Variants in C2CD2 observed in about 807,000 individuals in gnomAD.
C2CD2 encodes C2 calcium dependent domain containing 2.
A neutral mutation model predicts 74.3 loss-of-function variants in C2CD2; 43 were observed. The ratio of observed to expected loss-of-function variants is 0.58; its 90% CI spans 0.45 to 0.75. The LOEUF (loss-of-function observed/expected upper bound fraction) is 0.75. Ranked by LOEUF, C2CD2 falls within the 30% of genes least tolerant of loss-of-function variation. The pLI is 0.00. For missense variants in C2CD2, 801 were observed against 916.3 expected, an observed-to-expected ratio of 0.87 and a Z score of 1.63; for synonymous variants, 422 against 390.7, an observed-to-expected ratio of 1.08 and a Z score of -0.94.
At chr21:41,920,460 A>G (rs1354846078) in intron 3 of C2CD2, among the ~76,000 whole-genome samples, 1 of 152,234 alleles carries the variant, frequency 6.6e-6, no homozygotes, top group African/African-American at 2.4e-5. Context: ...GAAGCAGGGT[A>G]AGAGAAAAAC....
chr21:41,912,275 G>A, intron 7 of C2CD2, 57 bp downstream of exon 7: 1 of 1,014,342 alleles, frequency 9.9e-7, no homozygotes, highest in East Asian at 2.5e-5. Flanking sequence ...TCAGGATTTG[G>A]CGCTCCTGAA....
At chr21:41,953,264 C>T in intron 1 of C2CD2, 106 bp downstream of exon 1, 1 of 701,224 alleles carries the variant, frequency 1.4e-6, no homozygotes, top group Non-Finnish European at 2.2e-6. Context: ...GGGAGGACTC[C>T]CTTAGCCTGG....
intron 11 of C2CD2, among the ~76,000 whole-genome samples, chr21:41,905,310 CTTT>C (rs137969894): frequency 0.11 from 14,082 of 125,060 alleles, 871 homozygotes; most frequent in East Asian, 0.27. Flanking sequence ...CAAATCAAAA[CTTT>C]TTTTTTTTTT....
intron 5 of C2CD2, among the ~76,000 whole-genome samples, chr21:41,915,211 C>T (rs1488320871): frequency 6.6e-6 from 1 of 152,186 alleles, no homozygotes; most frequent in Non-Finnish European, 1.5e-5. Flanking sequence ...GTCCAACGTC[C>T]ACATGAGGAA....
intron 5 of C2CD2, among the ~76,000 whole-genome samples, chr21:41,917,542 C>G (rs925121075): frequency 2.3e-4 from 35 of 152,152 alleles, no homozygotes; most frequent in African/African-American, 8.4e-4. Flanking sequence ...GGCAAATGCT[C>G]TGGTTAAGAA....
chr21:41,912,496 T>TA (rs201192263), intron 6 of C2CD2, 56 bp from the exon 7 acceptor site: 321,118 of 830,342 alleles, frequency 0.39, 63,449 homozygotes, highest in African/African-American at 0.44. Context: ...TTTATTTATT[T>TA]TTTTTTTTTT....
Position 41,912,328 on chromosome 21 carries a change from T to C in C2CD2, c.953+4A>G. 6.3e-7 allele frequency: 1 copy of C among 1,597,964 alleles called. No homozygotes were observed. Among genetic ancestry groups the C allele is most frequent in the Non-Finnish European group, 8.6e-7 (1 of 1,167,756 alleles). ...ACACAGGCCCATAACCCGGCCAGAC[T>C]CACAAGGTGAATTCCTCTTCCCACA... On this transcript the variant is annotated splice_donor_region_variant and intron_variant, in intron 7 of 13. Coordinates refer to ENST00000380486, the MANE Select transcript of C2CD2 (RefSeq NM_015500.2).
chr21:41,910,617 T>C (rs1171501115), intron 7 of C2CD2, among the ~76,000 whole-genome samples: 1 of 152,184 alleles, frequency 6.6e-6, no homozygotes, highest in Non-Finnish European at 1.5e-5. Flanking sequence ...CTGGCTTTTG[T>C]ATTTCCAGTT....
Position 41,914,632 on chromosome 21 carries a change from G to T in C2CD2, c.810C>A (p.Ile270=). 6.2e-7 allele frequency: 1 copy of T among 1,613,936 alleles called. No individual in the cohort carries two copies. Among genetic ancestry groups the T allele is most frequent in the South Asian group, 1.1e-5 (1 of 91,054 alleles). ...CGGGCTCGCTGAGCAGCAAGACGTG[G>T]ATGTTCCTCACCAGTAGCTTCAGCT... ...AHELKLLVRN[I]HVLLLSEPGA... The change falls in exon 6 of 14, where the codon ATC becomes ATA. Residue 270 remains isoleucine (I), a synonymous_variant. Coordinates refer to ENST00000380486, the MANE Select transcript of C2CD2 (RefSeq NM_015500.2).
At position 41,905,466 on chromosome 21, in the gene C2CD2, C is replaced by T. The variant is rs375003172; in HGVS notation, c.1432+258G>A. Among the ~76,000 whole-genome samples the T allele has an allele frequency of 2.4e-4, 37 of 152,196 alleles. 5 individuals carry two copies. The highest frequency in any genetic ancestry group is 7.2e-4 in the Admixed American group (11 of 15,286). On this transcript the variant is annotated intron_variant, in intron 11 of 13. Transcript: ENST00000380486. ...TTGAGTAGCTGGGATTACTGGCATG[C>T]GCCACCACGCCCAGCTAATTTTTGT...
Position 41,885,451 on chromosome 21 carries a change from G to A in C2CD2, c.*3673C>T, listed in dbSNP as rs1477556973. On this transcript the variant is annotated 3_prime_UTR_variant, in exon 14 of 14. Transcript: ENST00000380486. ...AACTGAGAGAACGAGGCAGTGTATT[G>A]TGTTTCGAATGCAAACGGTCATGGA... is the stretch of plus-strand genomic sequence containing the variant. 1 of 152,718 alleles carries A rather than the reference G, an allele frequency of 6.5e-6. No individual in the cohort carries two copies. Among genetic ancestry groups the A allele is most frequent in the Admixed American group, 6.5e-5 (1 of 15,286 alleles). The allele number at this position is 152,718 out of a possible 1,614,324, so 9.5% of individuals were successfully genotyped here.
At chr21:41,937,761 G>C (rs896440197) in intron 2 of C2CD2, among the ~76,000 whole-genome samples, 2 of 152,170 alleles carry the variant, frequency 1.3e-5, no homozygotes, top group Admixed American at 1.3e-4. Flanking sequence ...ATACACAATG[G>C]AATATTAGCC....
At chr21:41,935,532 G>A (rs771538451) in intron 2 of C2CD2, among the ~76,000 whole-genome samples, 10 of 152,258 alleles carry the variant, frequency 6.6e-5, no homozygotes, top group Admixed American at 1.3e-4. Context: ...CAGCATGCCC[G>A]TCTGTGCTTG....
intron 12 of C2CD2, among the ~76,000 whole-genome samples, chr21:41,900,116 T>C (rs989132290): frequency 6.6e-6 from 1 of 151,878 alleles, no homozygotes; most frequent in South Asian, 2.1e-4. Flanking sequence ...CTTAAAAAAG[T>C]ACAAAAAATT....
chr21:41,951,163 C>T (rs1168375584), intron 1 of C2CD2, among the ~76,000 whole-genome samples: 6 of 152,116 alleles, frequency 3.9e-5, no homozygotes, highest in Non-Finnish European at 5.9e-5. Context: ...GGACTCGGGG[C>T]GGCCAGGAAT....
intron 3 of C2CD2, among the ~76,000 whole-genome samples, chr21:41,919,951 C>T (rs73363197): frequency 8.5e-5 from 13 of 152,086 alleles, no homozygotes; most frequent in South Asian, 6.2e-4. Flanking sequence ...TGGGGGAGCA[C>T]GGGAGAAGAG....
intron 6 of C2CD2, among the ~76,000 whole-genome samples, chr21:41,913,163 T>C (rs2065048402): frequency 6.6e-6 from 1 of 152,234 alleles, no homozygotes; most frequent in Non-Finnish European, 1.5e-5. Context: ...TTTGGAAATA[T>C]ACCTCACAGA....
chr21:41,885,796 G>A lies in C2CD2; in HGVS notation c.*3328C>T, dbSNP rs531775171. On this transcript the variant is annotated 3_prime_UTR_variant, in exon 14 of 14. Transcript: ENST00000380486. ...AACTTTGCAACTCTCGTCTATAGAG[G>A]TGGCCAGTAAAACCCAAGCAAAAAT... The A allele has an allele frequency of 2.0e-5, 3 of 152,306 alleles. No homozygotes were observed. Among genetic ancestry groups the A allele is most frequent in the African/African-American group, 4.8e-5 (2 of 41,430 alleles). 9.4% of individuals were successfully genotyped at this position (152,306 alleles called of 1,614,324 possible). A position where few individuals can be genotyped will look rare whatever the true frequency, so the allele number is the denominator to read the frequency against.
In C2CD2 at chr21:41,888,151, C is replaced by T. The variant is rs2064705453; in HGVS notation, c.*973G>A. ...ATTAAACTTCCATTCCTAAGACTGACACCTGAGACACAAAATAATTTCCTC... is the reference window on the plus strand; with the variant it reads ...ATTAAACTTCCATTCCTAAGACTGATACCTGAGACACAAAATAATTTCCTC... On this transcript the variant is annotated 3_prime_UTR_variant, in exon 14 of 14. Transcript: ENST00000380486. 6.6e-6 allele frequency: 1 copy of T among 152,646 alleles called. No individual in the cohort carries two copies. Among genetic ancestry groups the T allele is most frequent in the African/African-American group, 2.4e-5 (1 of 41,450 alleles). The allele number at this position is 152,646 out of a possible 1,614,324, so 9.5% of individuals were successfully genotyped here.
Sources: gnomAD v4.1 joint callset for allele counts (sites outside exome capture counted in the v4.1 genomes callset) on GRCh38, gnomAD v4.1.1 for gene constraint, MANE v1.5 for transcripts, NCBI Gene and HGNC (gene_info 2026-07-23, HGNC 2026-07-21) for gene names.